The following IMMP2L variants were observed in gnomAD, a reference collection of about 807,000 sequenced individuals.
IMMP2L encodes mitochondrial inner membrane protease subunit 2.
A neutral mutation model predicts 19.3 loss-of-function variants in IMMP2L; 18 were observed. The ratio of observed to expected loss-of-function variants is 0.93; its 90% confidence interval spans 0.64 to 1.38. The LOEUF is 1.38. Among genes scored for constraint, IMMP2L ranks in the 40% most tolerant of loss-of-function variants. The pLI is 0.00. For missense variants in IMMP2L, 233 were observed against 218.2 expected (o/e 1.07, Z -0.43); for synonymous variants, 76 against 73.0 (o/e 1.04, Z -0.21).
intron 3 of IMMP2L, among the ~76,000 whole-genome samples, chr7:111,045,924 C>T (rs549490407): frequency 3.9e-5 from 6 of 152,028 alleles, no homozygotes; most frequent in Non-Finnish European, 8.8e-5. Flanking sequence ...AAAAACCTCC[C>T]ACCCAAGATA....
intron 4 of IMMP2L, among the ~76,000 whole-genome samples, chr7:110,951,288 T>TA (rs991446855): frequency 1.3e-5 from 2 of 149,532 alleles, no homozygotes; most frequent in Non-Finnish European, 1.5e-5. Context: ...GAAATCACAA[T>TA]AAAAAAATTA....
chr7:110,999,955 A>G (rs1301601754), intron 3 of IMMP2L, among the ~76,000 whole-genome samples: 1 of 152,172 alleles, frequency 6.6e-6, no homozygotes, highest in Non-Finnish European at 1.5e-5. Context: ...AACTCCCTCA[A>G]TTGGCAGAGT....
rs115028003 is a variant in IMMP2L at position 111,366,030 on chromosome 7, C to T, written c.239+121208G>A. Among the ~76,000 whole-genome samples the T allele has an allele frequency of 5.4e-3, 826 of 152,122 alleles. 13 individuals carry two copies. Among genetic ancestry groups the T allele is most frequent in the African/African-American group, 0.018 (758 of 41,530 alleles). On this transcript the variant is annotated intron_variant, in intron 3 of 5. Coordinates refer to ENST00000405709, the MANE Select transcript of IMMP2L (RefSeq NM_032549.4). ...CTGGCACTGGTACATCATCATTTTG[C>T]AACCATGACAATAAAGCCTGGTCCA...
chr7:110,883,149 T>C (rs1776922759), intron 5 of IMMP2L, among the ~76,000 whole-genome samples: 1 of 152,242 alleles, frequency 6.6e-6, no homozygotes, highest in Non-Finnish European at 1.5e-5. Flanking sequence ...TTTCATACTT[T>C]TCTAAAGACA....
intron 2 of IMMP2L, among the ~76,000 whole-genome samples, chr7:111,504,043 A>G (rs1844613143): frequency 6.6e-6 from 1 of 152,172 alleles, no homozygotes; most frequent in Non-Finnish European, 1.5e-5. Context: ...CCCTGTTTGC[A>G]GATGACATGA....
chr7:110,669,748 C>G (rs569251147), intron 5 of IMMP2L, among the ~76,000 whole-genome samples: 3 of 152,188 alleles, frequency 2.0e-5, no homozygotes, highest in Non-Finnish European at 4.4e-5. Context: ...AGCTGAGACT[C>G]AAATGCATGA....
intron 3 of IMMP2L, among the ~76,000 whole-genome samples, chr7:111,336,790 T>C (rs1401445196): frequency 2.0e-5 from 3 of 152,032 alleles, no homozygotes; most frequent in Non-Finnish European, 4.4e-5. Context: ...CCAAAATGAA[T>C]TCATGTTTAC....
intron 3 of IMMP2L, among the ~76,000 whole-genome samples, chr7:111,436,546 A>G (rs1423530728): frequency 6.6e-6 from 1 of 151,708 alleles, no homozygotes; most frequent in Non-Finnish European, 1.5e-5. Flanking sequence ...CACACCCCAC[A>G]CATATATGAA....
At chr7:111,495,592 G>C (rs1417352845) in intron 2 of IMMP2L, among the ~76,000 whole-genome samples, 1 of 152,074 alleles carries the variant, frequency 6.6e-6, no homozygotes, top group African/African-American at 2.4e-5. Flanking sequence ...TGACAGGTTT[G>C]GAAGAATTTA....
intron 3 of IMMP2L, among the ~76,000 whole-genome samples, chr7:111,153,969 C>T (rs1469367267): frequency 1.3e-5 from 2 of 152,034 alleles, no homozygotes; most frequent in East Asian, 1.9e-4. Flanking sequence ...CTAGAAACTG[C>T]ACTGCTGAGA....
chr7:110,887,876 C>G (rs1385899663), intron 4 of IMMP2L, among the ~76,000 whole-genome samples: 1 of 151,966 alleles, frequency 6.6e-6, no homozygotes, highest in African/African-American at 2.4e-5. Context: ...AGAAATTGAG[C>G]TTGGCATACA....
chr7:110,878,701 A>T lies in IMMP2L; in HGVS notation c.408+7892T>A, dbSNP rs138462957. 7.5e-3 allele frequency among the ~76,000 whole-genome samples: 1,149 copies of T among 152,220 alleles called. 32 individuals carry two copies. In the East Asian group the frequency reaches 0.11, roughly 14 times the overall value. ...TGCTGAAATGGAGGCCAGAAAAAAA[A>T]TGTAAAAATGTATTTTAAAAAACTG... On this transcript the variant is annotated intron_variant, in intron 5 of 5. Coordinates refer to ENST00000405709, the MANE Select transcript of IMMP2L (RefSeq NM_032549.4).
chr7:110,828,162 A>G (rs1443459103), intron 5 of IMMP2L, among the ~76,000 whole-genome samples: 1 of 152,082 alleles, frequency 6.6e-6, no homozygotes, highest in Non-Finnish European at 1.5e-5. Context: ...GTCTCAGAAA[A>G]CTATTCTGCT....
intron 3 of IMMP2L, among the ~76,000 whole-genome samples, chr7:111,342,054 G>A (rs1827061695): frequency 6.6e-6 from 1 of 152,036 alleles, no homozygotes; most frequent in Non-Finnish European, 1.5e-5. Context: ...TGTTATAGCG[G>A]CACAAAACAG....
At chr7:111,040,804 T>C (rs1207894615) in intron 3 of IMMP2L, among the ~76,000 whole-genome samples, 2 of 150,902 alleles carry the variant, frequency 1.3e-5, no homozygotes, top group Non-Finnish European at 3.0e-5. Context: ...TAATATTTAA[T>C]CTAAAAGATA....
chr7:111,257,347 C>T (rs1284186327), intron 3 of IMMP2L, among the ~76,000 whole-genome samples: 1 of 152,072 alleles, frequency 6.6e-6, no homozygotes, highest in Non-Finnish European at 1.5e-5. Context: ...TGATTCAGGT[C>T]ACCCGTTACT....
At chr7:111,084,405 G>A (rs1386919324) in intron 3 of IMMP2L, among the ~76,000 whole-genome samples, 5 of 151,958 alleles carry the variant, frequency 3.3e-5, no homozygotes, top group Admixed American at 6.6e-5. Flanking sequence ...TGGGGATCAC[G>A]CAAGTAGAGA....
intron 4 of IMMP2L, among the ~76,000 whole-genome samples, chr7:110,939,652 A>G (rs1302972797): frequency 6.6e-6 from 1 of 152,286 alleles, no homozygotes; most frequent in East Asian, 1.9e-4. Context: ...GATAACAAAT[A>G]TATGTCCTTT....
intron 3 of IMMP2L, chr7:111,122,542 T>C (rs982861831): frequency 9.7e-6 from 5 of 516,046 alleles, no homozygotes; most frequent in Non-Finnish European, 1.7e-5. Flanking sequence ...TACATCAATA[T>C]TATATCATTA....
Sources: allele counts gnomAD v4.1 joint callset (sites outside exome capture counted in the v4.1 genomes callset), GRCh38; gene constraint gnomAD v4.1.1; transcripts MANE v1.5; gene names NCBI Gene and HGNC (gene_info 2026-07-23, HGNC 2026-07-21).